The following SLC24A2 variants were observed in gnomAD, a reference collection of about 807,000 sequenced individuals.
SLC24A2 encodes solute carrier family 24 member 2.
A neutral mutation model predicts 62.0 loss-of-function variants in SLC24A2; 36 were observed. The observed-to-expected ratio is 0.58, with a 90% CI of 0.44 to 0.77. The LOEUF is 0.77. Ranked by LOEUF, SLC24A2 falls within the 30% of genes least tolerant of loss-of-function variation. The probability of loss-of-function intolerance (pLI) is 0.00; values close to 1 mark genes in which losing one functional copy is unlikely to be tolerated. For missense variants in SLC24A2, 846 were observed against 817.9 expected, an observed-to-expected ratio of 1.03 and a Z score of -0.42; for synonymous variants, 358 against 294.0, an observed-to-expected ratio of 1.22 and a Z score of -2.23.
chr9:19,981,488 C>T, the SLC24A2 span, among the ~76,000 whole-genome samples: 1 of 152,140 alleles, frequency 6.6e-6, no homozygotes, highest in Non-Finnish European at 1.5e-5. Flanking sequence ...TTTGCTCTAG[C>T]ATTTTTGGTA....
chr9:19,771,323 C>T (rs2118893389), intron 2 of SLC24A2, among the ~76,000 whole-genome samples: 1 of 152,292 alleles, frequency 6.6e-6, no homozygotes, highest in South Asian at 2.1e-4. Flanking sequence ...ATTTATTTTC[C>T]TCAAGTGTGT....
the SLC24A2 span, among the ~76,000 whole-genome samples, chr9:20,222,903 G>A: frequency 6.6e-6 from 1 of 151,794 alleles, no homozygotes. Flanking sequence ...GCTTTAATAC[G>A]GTAATGAAGT....
chr9:20,100,922 G>A, the SLC24A2 span, among the ~76,000 whole-genome samples: 1 of 152,070 alleles, frequency 6.6e-6, no homozygotes, highest in Non-Finnish European at 1.5e-5. Context: ...AGGTATTGTG[G>A]TCTCTCCAGA....
chr9:20,228,036 C>T, the SLC24A2 span, among the ~76,000 whole-genome samples: 1 of 152,124 alleles, frequency 6.6e-6, no homozygotes, highest in Non-Finnish European at 1.5e-5. Context: ...GTCATTCTTC[C>T]ATTAAAAACA....
At chr9:19,953,407 T>C in the SLC24A2 span, among the ~76,000 whole-genome samples, 2 of 152,052 alleles carry the variant, frequency 1.3e-5, no homozygotes, top group African/African-American at 4.8e-5. Context: ...AACACACATG[T>C]AGTTCTCTGT....
intron 7 of SLC24A2, among the ~76,000 whole-genome samples, chr9:19,568,635 A>T (rs1835747444): frequency 6.6e-6 from 1 of 152,244 alleles, no homozygotes; most frequent in Admixed American, 6.5e-5. Flanking sequence ...TTCCAGGGTC[A>T]CACAGCTGGT....
chr9:19,577,345 A>G (rs1836049754), intron 5 of SLC24A2, among the ~76,000 whole-genome samples: 2 of 152,142 alleles, frequency 1.3e-5, no homozygotes, highest in Non-Finnish European at 2.9e-5. Flanking sequence ...AGGCATGGCC[A>G]TTTCTCTGAA....
chr9:19,661,037 G>T (rs1482176335), intron 2 of SLC24A2, among the ~76,000 whole-genome samples: 1 of 152,158 alleles, frequency 6.6e-6, no homozygotes, highest in African/African-American at 2.4e-5. Flanking sequence ...TAGTGTTGCT[G>T]CTACAAGAGC....
At chr9:20,196,910 A>G in the SLC24A2 span, among the ~76,000 whole-genome samples, 14 of 152,224 alleles carry the variant, frequency 9.2e-5, no homozygotes, top group South Asian at 8.3e-4. Context: ...CCTTGTATAA[A>G]GTAGAAATCA....
chr9:19,795,633 T>G, the SLC24A2 span, among the ~76,000 whole-genome samples: 1 of 152,140 alleles, frequency 6.6e-6, no homozygotes, highest in Non-Finnish European at 1.5e-5. Context: ...TTCCTGTCTC[T>G]TGATTTTTCT....
At chr9:19,818,561 G>A in the SLC24A2 span, among the ~76,000 whole-genome samples, 5 of 152,018 alleles carry the variant, frequency 3.3e-5, no homozygotes, top group Admixed American at 6.6e-5. Context: ...TACCAACAGC[G>A]ACTAAGCAGA....
chr9:19,571,994 G>A (rs1835849617), intron 7 of SLC24A2, among the ~76,000 whole-genome samples: 2 of 152,022 alleles, frequency 1.3e-5, no homozygotes, highest in Admixed American at 1.3e-4. Flanking sequence ...TACTATCCGG[G>A]CGCAGTGGCT....
In SLC24A2 at chr9:19,585,430, ATT is replaced by A. The variant is rs375498361; in HGVS notation, c.1130-8410_1130-8409del. ...TGGCATCACAAGATGTTTCAATATC[ATT>A]TTGTATGTTTCCTGGTTCAGCACTT... On this transcript the variant is annotated intron_variant, in intron 5 of 10. Coordinates refer to ENST00000341998, the MANE Select transcript of SLC24A2 (RefSeq NM_020344.4). Among the ~76,000 whole-genome samples, 8 of 152,266 alleles carry A rather than the reference ATT, an allele frequency of 5.3e-5. No homozygotes were observed. In the East Asian group the frequency reaches 1.2e-3, roughly 22 times the overall value.
the SLC24A2 span, among the ~76,000 whole-genome samples, chr9:19,965,464 C>T: frequency 6.6e-6 from 1 of 152,158 alleles, no homozygotes; most frequent in Non-Finnish European, 1.5e-5. Flanking sequence ...ACAACTTGCA[C>T]TATCATACTG....
chr9:20,075,958 T>C, the SLC24A2 span, among the ~76,000 whole-genome samples: 3 of 152,216 alleles, frequency 2.0e-5, no homozygotes, highest in Non-Finnish European at 4.4e-5. Flanking sequence ...TCCTCCTGTA[T>C]ACTTTAAATC....
intron 6 of SLC24A2, among the ~76,000 whole-genome samples, chr9:19,575,228 T>C (rs1301868009): frequency 1.3e-5 from 2 of 152,254 alleles, no homozygotes; most frequent in Non-Finnish European, 2.9e-5. Context: ...ATGTGCTGCA[T>C]GTGGCTATGC....
chr9:19,946,239 TA>T, the SLC24A2 span, among the ~76,000 whole-genome samples: 6 of 152,200 alleles, frequency 3.9e-5, no homozygotes, highest in African/African-American at 1.2e-4. Flanking sequence ...AGTGGAGCCC[TA>T]ATTAATGAGT....
At chr9:19,701,134 C>G (rs1820344241) in intron 2 of SLC24A2, among the ~76,000 whole-genome samples, 1 of 152,184 alleles carries the variant, frequency 6.6e-6, no homozygotes, top group Non-Finnish European at 1.5e-5. Context: ...AAGAGAACAA[C>G]CCACTGAAGG....
the SLC24A2 span, among the ~76,000 whole-genome samples, chr9:19,878,060 C>A: frequency 1.4e-4 from 21 of 152,274 alleles, 1 homozygote; most frequent in South Asian, 2.7e-3. Context: ...CCACCCTGTG[C>A]AGAGGCATTT....
Sources: allele counts gnomAD v4.1 joint callset (sites outside exome capture counted in the v4.1 genomes callset), GRCh38; gene constraint gnomAD v4.1.1; transcripts MANE v1.5; gene names NCBI Gene and HGNC (gene_info 2026-07-23, HGNC 2026-07-21).